The following CLRN1 variants were observed in gnomAD, a reference collection of about 807,000 sequenced individuals.
CLRN1 encodes the protein clarin-1.
In CLRN1, 15 loss-of-function variants were observed where a neutral mutation model predicts 18.7. That is an observed-to-expected ratio of 0.80 (90% confidence interval 0.54 to 1.23). The LOEUF is 1.23. Among genes scored for constraint, CLRN1 ranks in the 50% most tolerant of loss-of-function variants. CLRN1 has a pLI of 0.00. For synonymous variants in CLRN1, 104 were observed against 102.9 expected (o/e 1.01, Z -0.07); for missense variants, 311 against 277.5 (o/e 1.12, Z -0.86).
At chr3:150,929,402 C>G (rs943856164) in intron 2 of CLRN1, among the ~76,000 whole-genome samples, 1 of 152,180 alleles carries the variant, frequency 6.6e-6, no homozygotes, top group Non-Finnish European at 1.5e-5. Context: ...GCTTCCACAG[C>G]TACTGTTATA....
chr3:150,931,431 A>G (rs937087550), intron 2 of CLRN1, among the ~76,000 whole-genome samples: 1 of 152,184 alleles, frequency 6.6e-6, no homozygotes, highest in African/African-American at 2.4e-5. Context: ...CTTGAAGTCA[A>G]TAGAACATAC....
At chr3:150,943,385 C>T (rs934076951) in intron 1 of CLRN1, among the ~76,000 whole-genome samples, 1 of 152,092 alleles carries the variant, frequency 6.6e-6, no homozygotes, top group East Asian at 1.9e-4. Flanking sequence ...CTATAAATAC[C>T]CCAGACTCAG....
At position 150,951,459 on chromosome 3, in the gene CLRN1, T is replaced by C. The variant is rs533565710; in HGVS notation, c.254-9698A>G. Among the ~76,000 whole-genome samples, 594 of 152,146 alleles carry C rather than the reference T, an allele frequency of 3.9e-3. 2 individuals carry two copies. The highest frequency in any genetic ancestry group is 4.4e-3 in the Non-Finnish European group (301 of 67,988). The stretch of plus-strand genomic sequence containing the variant: ...TTCAAGCGATTCTCCTGCCTCAGCC[T>C]CCCAAGTAGCTGGGATTACAGGCAC... On this transcript the variant is annotated intron_variant, in intron 1 of 2. Transcript: ENST00000327047.
At chr3:150,969,415 C>T (rs1427168288) in intron 1 of CLRN1, among the ~76,000 whole-genome samples, 1 of 146,646 alleles carries the variant, frequency 6.8e-6, no homozygotes, top group Non-Finnish European at 1.5e-5. Context: ...CAAGCTCCAC[C>T]TCCCGGGTTC....
At chr3:150,938,979 T>C (rs371774147) in intron 2 of CLRN1, among the ~76,000 whole-genome samples, 7 of 152,250 alleles carry the variant, frequency 4.6e-5, no homozygotes, top group African/African-American at 1.7e-4. Flanking sequence ...CTGTCAGAAC[T>C]GTCAAATAAT....
At chr3:150,969,728 T>C (rs1715443072) in intron 1 of CLRN1, among the ~76,000 whole-genome samples, 1 of 152,144 alleles carries the variant, frequency 6.6e-6, no homozygotes, top group Non-Finnish European at 1.5e-5. Context: ...TAAATTCCTA[T>C]TAATTGATAA....
chr3:150,953,671 C>T (rs1039401616), intron 1 of CLRN1, among the ~76,000 whole-genome samples: 1 of 152,106 alleles, frequency 6.6e-6, no homozygotes, highest in African/African-American at 2.4e-5. Flanking sequence ...GCACGCACCA[C>T]CAAGCCCAGC....
At chr3:150,943,607 T>C (rs1199760725) in intron 1 of CLRN1, among the ~76,000 whole-genome samples, 1 of 152,230 alleles carries the variant, frequency 6.6e-6, no homozygotes, top group Non-Finnish European at 1.5e-5. Context: ...CCCATTCTTC[T>C]TGGGCACCAA....
At chr3:150,965,564 G>T (rs1312333975) in intron 1 of CLRN1, among the ~76,000 whole-genome samples, 1 of 152,158 alleles carries the variant, frequency 6.6e-6, no homozygotes, top group Non-Finnish European at 1.5e-5. Context: ...AGTCCTTGGG[G>T]AAGATGAGTC....
At chr3:150,955,784 T>G (rs1395436486) in intron 1 of CLRN1, among the ~76,000 whole-genome samples, 3 of 152,322 alleles carry the variant, frequency 2.0e-5, no homozygotes, top group African/African-American at 4.8e-5. Flanking sequence ...TTCTTCCTAC[T>G]CTGTTTCTGT....
At chr3:150,972,370 C>T (rs1434494714) in intron 1 of CLRN1, 86 bp downstream of exon 1, 3 of 1,585,344 alleles carry the variant, frequency 1.9e-6, no homozygotes, top group South Asian at 1.1e-5. Context: ...GCAGTAAACA[C>T]GGCAAAATTC....
intron 2 of CLRN1, among the ~76,000 whole-genome samples, chr3:150,940,736 A>G (rs973061716): frequency 6.6e-6 from 1 of 152,106 alleles, no homozygotes; most frequent in Admixed American, 6.5e-5. Context: ...CACATTTTTC[A>G]TTTTCTCGTC....
In CLRN1 at chr3:150,967,392, C is replaced by CT. The variant is rs1205311381; in HGVS notation, c.253+5063dup. Among the ~76,000 whole-genome samples, 90 of 150,122 alleles carry CT rather than the reference C, an allele frequency of 6.0e-4. 1 individual carries two copies. The highest frequency in any genetic ancestry group is 3.0e-3 in the South Asian group (14 of 4,724). ...TTATTATCTTCTATTCCATTAATTG[C>CT]TTTTTTTTTAATGGGAGGTAAACAA... On this transcript the variant is annotated intron_variant, in intron 1 of 2. Coordinates refer to ENST00000327047, the MANE Select transcript of CLRN1 (RefSeq NM_174878.3).
chr3:150,959,876 A>G (rs867642916), intron 1 of CLRN1, among the ~76,000 whole-genome samples: 2 of 152,134 alleles, frequency 1.3e-5, no homozygotes, highest in Admixed American at 6.5e-5. Context: ...TCTAACAGTC[A>G]TATCTCTTAT....
At chr3:150,932,777 C>A (rs1241793590) in intron 2 of CLRN1, among the ~76,000 whole-genome samples, 1 of 152,276 alleles carries the variant, frequency 6.6e-6, no homozygotes, top group East Asian at 1.9e-4. Flanking sequence ...CTACACTGCT[C>A]CAGAGACCGA....
intron 2 of CLRN1, among the ~76,000 whole-genome samples, chr3:150,931,004 A>G (rs1249963982): frequency 6.6e-6 from 1 of 152,186 alleles, no homozygotes; most frequent in Non-Finnish European, 1.5e-5. Context: ...TCTGGATTCT[A>G]GGGTTGATCA....
In CLRN1 at chr3:150,971,516, GA is replaced by G. The variant is rs879449382; in HGVS notation, c.253+939del. ...TTTAGCCTTCTACCTATACTAGAAA[GA>G]AAAAAAAAACCTGGGCAAAATAATA... On this transcript the variant is annotated intron_variant, in intron 1 of 2. Transcript: ENST00000327047. 1.3e-3 allele frequency among the ~76,000 whole-genome samples: 186 copies of G among 148,336 alleles called. 1 individual carries two copies. Among genetic ancestry groups the G allele is most frequent in the African/African-American group, 4.4e-3 (177 of 40,544 alleles).
chr3:150,945,595 T>C (rs1212175865), intron 1 of CLRN1: 16 of 1,286,970 alleles, frequency 1.2e-5, no homozygotes, highest in African/African-American at 1.5e-5. Flanking sequence ...GTTTGGATCC[T>C]GATGGTGTTT....
Position 150,927,065 on chromosome 3 carries a change from A to G in CLRN1, c.*871T>C. 3.2e-6 allele frequency: 3 copies of G among 942,378 alleles called. No individual in the cohort carries two copies. The highest frequency in any genetic ancestry group is 5.0e-6 in the Non-Finnish European group (3 of 605,830). The allele number at this position is 942,378 out of a possible 1,614,324, so 58.4% of individuals were successfully genotyped here. A position where few individuals can be genotyped will look rare whatever the true frequency, so the allele number is the denominator to read the frequency against. On this transcript the variant is annotated 3_prime_UTR_variant, in exon 3 of 3. Coordinates refer to ENST00000327047, the MANE Select transcript of CLRN1 (RefSeq NM_174878.3). ...AACAGCCCCTAATAAGTCATTTTGC[A>G]TCAAATGTACTAAGCAGAGATCATT...
Sources: allele counts gnomAD v4.1 joint callset (sites outside exome capture counted in the v4.1 genomes callset), GRCh38; gene constraint gnomAD v4.1.1; transcripts MANE v1.5; gene names NCBI Gene and HGNC (gene_info 2026-07-23, HGNC 2026-07-21).